Variants in STYXL2 observed in about 807,000 individuals in gnomAD.
The protein encoded by STYXL2 is serine/threonine/tyrosine interacting like 2.
STYXL2 carries 44 observed loss-of-function variants against 52.4 expected under a neutral mutation model. The ratio of observed to expected loss-of-function variants is 0.84; its 90% CI spans 0.66 to 1.08. STYXL2 has a LOEUF of 1.08. STYXL2 is among the 50% of genes least tolerant of loss of function. The pLI is 0.00. For synonymous variants in STYXL2, 604 were observed against 586.9 expected (o/e 1.03, Z -0.42); for missense variants, 1,604 against 1,471.7 (o/e 1.09, Z -1.47).
Position 167,128,611 on chromosome 1 carries a change from T to A in STYXL2, c.*3T>A, listed in dbSNP as rs1668028561. 6.2e-7 allele frequency: 1 copy of A among 1,605,780 alleles called. No individual in the cohort carries two copies. ...TGCAGAAAAGGAGGGAGGACTGAGCTGGGGAAAATCTGAGAACACTGAAAG... is the reference window on the plus strand; with the variant it reads ...TGCAGAAAAGGAGGGAGGACTGAGCAGGGGAAAATCTGAGAACACTGAAAG... On this transcript the variant is annotated 3_prime_UTR_variant, in exon 6 of 6. Coordinates refer to ENST00000361200, the MANE Select transcript of STYXL2 (RefSeq NM_001080426.3).
chr1:167,129,124 G>T lies in STYXL2; in HGVS notation c.*516G>T, dbSNP rs1332814813. 1 of 152,904 alleles carries T rather than the reference G, an allele frequency of 6.5e-6. No individual in the cohort carries two copies. 9.5% of individuals were successfully genotyped at this position (152,904 alleles called of 1,614,324 possible). A position where few individuals can be genotyped will look rare whatever the true frequency, so the allele number is the denominator to read the frequency against. On this transcript the variant is annotated 3_prime_UTR_variant, in exon 6 of 6. Coordinates refer to ENST00000361200, the MANE Select transcript of STYXL2 (RefSeq NM_001080426.3). Reference sequence around the variant, plus strand: ...AGTCTCCATTAAAAATGGTATGTTGGCAAATAGTTCTTCTTTATTCTGGTC... The same window carrying T: ...AGTCTCCATTAAAAATGGTATGTTGTCAAATAGTTCTTCTTTATTCTGGTC...
Position 167,126,081 on chromosome 1 carries a change from A to C in STYXL2, c.950A>C (p.Glu317Ala), listed in dbSNP as rs1667956703. ...GTGCACGCCCTGACGGTGGAAGAGG[A>C]GGACGACAGCGCCAGCCACCTGAGT... ...ARVHALTVEEEDDSASHLSGS... is the reference protein window; with the variant it reads ...ARVHALTVEEADDSASHLSGS... The change falls in exon 6 of 6, where the codon GAG becomes GCG. Residue 317 changes from glutamate to alanine, a missense_variant. By Grantham distance (107) the Glu-to-Ala change is moderately radical (BLOSUM62 -1). Transcript: ENST00000361200. 3.3e-6 allele frequency: 5 copies of C among 1,535,516 alleles called. No individual in the cohort carries two copies. The highest frequency in any genetic ancestry group is 4.4e-6 in the Non-Finnish European group (5 of 1,142,430).
rs60273300 is a variant in STYXL2, at chr1:167,122,552, G to T, written c.655+3086G>T. ...AAAGGGGGAATTATGAATTGGGAGGGTATAGCACAATTGCCTGCCATATAA... is the reference window on the plus strand; with the variant it reads ...AAAGGGGGAATTATGAATTGGGAGGTTATAGCACAATTGCCTGCCATATAA... On this transcript the variant is annotated intron_variant, in intron 5 of 5. Coordinates refer to ENST00000361200, the MANE Select transcript of STYXL2 (RefSeq NM_001080426.3). Among the ~76,000 whole-genome samples, 1,269 of 152,142 alleles carry T rather than the reference G, an allele frequency of 8.3e-3. 7 individuals carry two copies. Among genetic ancestry groups the T allele is most frequent in the African/African-American group, 0.029 (1,183 of 41,502 alleles).
At chr1:167,094,579 A>C (rs1424326771) in intron 1 of STYXL2, 1 of 420,196 alleles carries the variant, frequency 2.4e-6, no homozygotes, top group East Asian at 4.7e-5. Flanking sequence ...CCTTGCTGAC[A>C]TCTGTGGAAG....
intron 2 of STYXL2, among the ~76,000 whole-genome samples, chr1:167,100,202 G>A (rs1283707057): frequency 6.6e-6 from 1 of 152,176 alleles, no homozygotes; most frequent in African/African-American, 2.4e-5. Flanking sequence ...CCCTCTCATG[G>A]TAACTAATCC....
At position 167,126,051 on chromosome 1, in the gene STYXL2, C is replaced by A. The variant is rs764192757; in HGVS notation, c.920C>A (p.Ala307Asp). The change falls in exon 6 of 6, where the codon GCC becomes GAC. Residue 307 changes from alanine (A) to aspartate (D), a missense_variant. Transcript: ENST00000361200. ...GAGGGCACTGGGAGCATGCTCGGGG[C>A]CAGAGTGCACGCCCTGACGGTGGAA... ...EGEGTGSMLG[A>D]RVHALTVEEE... 1 of 1,576,848 alleles carries A rather than the reference C, an allele frequency of 6.3e-7. No individual in the cohort carries two copies. Among genetic ancestry groups the A allele is most frequent in the South Asian group, 1.2e-5 (1 of 84,284 alleles).
intron 2 of STYXL2, among the ~76,000 whole-genome samples, chr1:167,096,245 G>A (rs538342376): frequency 1.8e-4 from 27 of 152,020 alleles, no homozygotes; most frequent in Admixed American, 2.6e-4. Context: ...GCGACAGAGC[G>A]AGACTCCATC....
chr1:167,099,826 T>C (rs1340013420), intron 2 of STYXL2, among the ~76,000 whole-genome samples: 3 of 152,236 alleles, frequency 2.0e-5, no homozygotes, highest in Non-Finnish European at 2.9e-5. Context: ...TACTATAATG[T>C]TTAGCAACTA....
chr1:167,096,277 T>C (rs1159684822), intron 2 of STYXL2, among the ~76,000 whole-genome samples: 1 of 151,702 alleles, frequency 6.6e-6, no homozygotes, highest in Non-Finnish European at 1.5e-5. Context: ...GAAAAGAAAA[T>C]TCAGCATTAT....
intron 2 of STYXL2, among the ~76,000 whole-genome samples, chr1:167,113,479 T>C (rs1187324490): frequency 6.6e-6 from 1 of 152,246 alleles, no homozygotes; most frequent in Non-Finnish European, 1.5e-5. Flanking sequence ...CACCATGTCA[T>C]TAAACATCAC....
chr1:167,110,211 A>G (rs910159811), intron 2 of STYXL2, among the ~76,000 whole-genome samples: 2 of 152,230 alleles, frequency 1.3e-5, no homozygotes, highest in Admixed American at 6.5e-5. Context: ...ATGAGACAAA[A>G]GAATCTGAAC....
chr1:167,119,490 G>C, intron 5 of STYXL2, 24 bp downstream of exon 5: 1 of 1,605,612 alleles, frequency 6.2e-7, no homozygotes, highest in Non-Finnish European at 8.5e-7. Flanking sequence ...GCCGCTCCAG[G>C]CTGCTGGAAT....
chr1:167,126,122 A>G lies in STYXL2; in HGVS notation c.991A>G (p.Lys331Glu). The G allele has an allele frequency of 6.6e-7, 1 of 1,510,810 alleles. No homozygotes were observed. The highest frequency in any genetic ancestry group is 8.8e-7 in the Non-Finnish European group (1 of 1,132,592). 93.6% of individuals were successfully genotyped at this position (1,510,810 alleles called of 1,614,324 possible). ...CCACCTGAGTGGCTCCTCCCTGGGG[A>G]AGGCCACCCAGGCCTCCAAGCCCCT... is the stretch of plus-strand genomic sequence containing the variant. ...ASHLSGSSLGKATQASKPLTL... is the reference protein window; with the variant it reads ...ASHLSGSSLGEATQASKPLTL... Residue 331 changes from lysine (K) to glutamate (E), a missense_variant, in exon 6 of 6, where the codon AAG becomes GAG. Transcript: ENST00000361200.
intron 2 of STYXL2, among the ~76,000 whole-genome samples, chr1:167,097,432 C>A (rs1558016740): frequency 6.6e-6 from 1 of 152,162 alleles, no homozygotes; most frequent in Non-Finnish European, 1.5e-5. Flanking sequence ...AATCCTGATT[C>A]ATTCATTTGC....
intron 2 of STYXL2, among the ~76,000 whole-genome samples, chr1:167,095,619 C>G (rs1448523763): frequency 2.0e-5 from 3 of 152,214 alleles, no homozygotes; most frequent in African/African-American, 4.8e-5. Flanking sequence ...TAAGACAAAC[C>G]ACGAGACGTT....
At chr1:167,119,792 C>A (rs1294748883) in intron 5 of STYXL2, among the ~76,000 whole-genome samples, 2 of 152,142 alleles carry the variant, frequency 1.3e-5, no homozygotes, top group African/African-American at 4.8e-5. Flanking sequence ...GAGGCAGAGA[C>A]TAACTAGAAC....
rs537190615 is a variant in STYXL2 at position 167,128,807 on chromosome 1, G to C, written c.*199G>C. 1.2e-6 allele frequency: 1 copy of C among 816,450 alleles called. No individual in the cohort carries two copies. Among genetic ancestry groups the C allele is most frequent in the East Asian group, 2.8e-5 (1 of 35,532 alleles). The allele number at this position is 816,450 out of a possible 1,614,324, so 50.6% of individuals were successfully genotyped here. On this transcript the variant is annotated 3_prime_UTR_variant, in exon 6 of 6. Transcript: ENST00000361200. ...CAAGGAGGGGGAGAACCATCAATAC[G>C]AATACGAGGTCCGAATGCGGACCAA...
At chr1:167,120,963 C>G (rs1667845042) in intron 5 of STYXL2, among the ~76,000 whole-genome samples, 1 of 150,454 alleles carries the variant, frequency 6.6e-6, no homozygotes, top group Non-Finnish European at 1.5e-5. Context: ...CATACACACA[C>G]TCACATATAT....
intron 2 of STYXL2, among the ~76,000 whole-genome samples, chr1:167,096,529 A>T (rs909265624): frequency 6.6e-6 from 1 of 152,206 alleles, no homozygotes; most frequent in Non-Finnish European, 1.5e-5. Context: ...TTGAAGGTTC[A>T]CCACTTTAAA....
Sources: gnomAD v4.1 joint callset for allele counts (sites outside exome capture counted in the v4.1 genomes callset) on GRCh38, gnomAD v4.1.1 for gene constraint, MANE v1.5 for transcripts, NCBI Gene and HGNC (gene_info 2026-07-23, HGNC 2026-07-21) for gene names.